The following IGSF10 variants were observed in gnomAD, a reference collection of about 807,000 sequenced individuals.
IGSF10 encodes the protein calvaria mechanical force protein 608.
A neutral mutation model predicts 128.2 loss-of-function variants in IGSF10; 126 were observed. That is an observed-to-expected ratio of 0.98 (90% confidence interval 0.85 to 1.14). The LOEUF is 1.14. IGSF10 is among the 50% of genes most tolerant of loss of function. The probability of loss-of-function intolerance (pLI) is 0.00; values close to 1 mark genes in which losing one functional copy is unlikely to be tolerated. For missense variants in IGSF10, 3,295 were observed against 3,149.8 expected, an observed-to-expected ratio of 1.05 and a Z score of -1.10; for synonymous variants, 1,185 against 1,146.2, an observed-to-expected ratio of 1.03 and a Z score of -0.68.
chr3:151,519,089 ATTGT>A, the IGSF10 span, among the ~76,000 whole-genome samples: 2 of 152,046 alleles, frequency 1.3e-5, no homozygotes, highest in Middle Eastern at 3.4e-3. Context: ...AATATGTATG[ATTGT>A]TTGTATTTGT....
At position 151,446,873 on chromosome 3, in the gene IGSF10, G is replaced by A. The variant is rs372349376; in HGVS notation, c.3108C>T (p.Tyr1036=). Residue 1036 remains tyrosine (Y), a synonymous_variant, in exon 6 of 8, where the codon TAC becomes TAT. Transcript: ENST00000282466. ...CTCTGGTTGTTGACCTGAAAATGCT[G>A]TATCTATGCCGTCGCAGAACTGGAG... ...YRTPVLRRHR[Y]SIFRSTTRGS... 4.0e-5 allele frequency: 65 copies of A among 1,614,076 alleles called. No homozygotes were observed. Among genetic ancestry groups the A allele is most frequent in the African/African-American group, 6.7e-5 (5 of 74,932 alleles).
the IGSF10 span, among the ~76,000 whole-genome samples, chr3:151,583,789 T>C: frequency 0.04 from 6,090 of 152,284 alleles, 401 homozygotes; most frequent in African/African-American, 0.14. Flanking sequence ...AATCTTTTAG[T>C]TATTTATTTC....
the IGSF10 span, among the ~76,000 whole-genome samples, chr3:151,482,225 G>T: frequency 1.3e-5 from 2 of 152,004 alleles, no homozygotes; most frequent in African/African-American, 4.8e-5. Flanking sequence ...TGCCCAAAAA[G>T]AAATTCAAAA....
At chr3:151,495,509 C>T in the IGSF10 span, among the ~76,000 whole-genome samples, 72,898 of 151,800 alleles carry the variant, frequency 0.48, 17,876 homozygotes, top group African/African-American at 0.57. Context: ...CTACATTATC[C>T]GTGACAACAT....
chr3:151,440,721 G>A (rs1489306363), intron 7 of IGSF10: 39 of 445,670 alleles, frequency 8.8e-5, no homozygotes, highest in African/African-American at 4.4e-4. Context: ...TGATGTCTGA[G>A]TCTCACCTCC....
intron 4 of IGSF10, among the ~76,000 whole-genome samples, chr3:151,456,083 G>C (rs1721777046): frequency 6.6e-6 from 1 of 152,166 alleles, no homozygotes; most frequent in Admixed American, 6.5e-5. Flanking sequence ...ATTTGGTCGA[G>C]AGAATAAATA....
chr3:151,432,722 A>G (rs756837110), downstream of IGSF10: 1 of 1,587,364 alleles, frequency 6.3e-7, no homozygotes, highest in South Asian at 1.1e-5. Flanking sequence ...TTGTGTCTGT[A>G]ATTTTGGTTC....
At chr3:151,504,039 C>T in the IGSF10 span, among the ~76,000 whole-genome samples, 2 of 151,996 alleles carry the variant, frequency 1.3e-5, no homozygotes, top group Admixed American at 1.3e-4. Context: ...GATGTAGTGG[C>T]CTCTGGCTGC....
chr3:151,435,726 A>G (rs1720088085), downstream of IGSF10: 4 of 152,320 alleles, frequency 2.6e-5, no homozygotes, highest in South Asian at 8.3e-4. Flanking sequence ...TATTCCCCAA[A>G]TTAATTCAGG....
rs201403882 is a variant in IGSF10 at position 151,460,733 on chromosome 3, GT to G, written c.-89+212del. On this transcript the variant is annotated intron_variant, in intron 1 of 7. Transcript: ENST00000282466. ...TATTGATTGTCTTTCCTCAGTGTGTGTTTTTTTTTTTTGCCTGGCACCAGTC... is the reference window on the plus strand; with the variant it reads ...TATTGATTGTCTTTCCTCAGTGTGTGTTTTTTTTTTTGCCTGGCACCAGTC... 7.3e-3 allele frequency among the ~76,000 whole-genome samples: 1,044 copies of G among 142,644 alleles called. 3 individuals carry two copies. Among genetic ancestry groups the G allele is most frequent in the South Asian group, 0.014 (64 of 4,522 alleles). The allele number at this position is 142,644 out of a possible 152,430, so 93.6% of individuals were successfully genotyped here.
rs1174549588 is a variant in IGSF10 at position 151,446,231 on chromosome 3, G to A, written c.3750C>T (p.Phe1250=). The A allele has an allele frequency of 6.2e-7, 1 of 1,613,814 alleles. No homozygotes were observed. The highest frequency in any genetic ancestry group is 8.5e-7 in the Non-Finnish European group (1 of 1,179,710). Residue 1250 remains phenylalanine (F), a synonymous_variant, in exon 6 of 8, where the codon TTC becomes TTT. Transcript: ENST00000282466. ...PALPRDKVSP[F]HFTTLSTSVM... Reference sequence around the variant, plus strand: ...CACTTGTTGAAAGTGTGGTGAAATGGAAAGGGGAGACTTTGTCTCTGGGTA... The same window carrying A: ...CACTTGTTGAAAGTGTGGTGAAATGAAAAGGGGAGACTTTGTCTCTGGGTA...
rs1304691472 is a variant in IGSF10 at position 151,437,786 on chromosome 3, A to C, written c.6775T>G (p.Phe2259Val). ...GGTGTCCCTTCAGCTCTGCAGTCAA[A>C]GTGTTTTTTGGAATGTCTCACAGCT... The part of the protein sequence containing the change: ...ATAVRHSKKH[F>V]DCRAEGTPSP... Residue 2259 changes from phenylalanine to valine, a missense_variant, in exon 8 of 8, where the codon TTT becomes GTT. By Grantham distance (50) the Phe-to-Val change is conservative. Coordinates refer to ENST00000282466, the MANE Select transcript of IGSF10 (RefSeq NM_178822.5). The C allele has an allele frequency of 1.2e-6, 2 of 1,613,846 alleles. No individual in the cohort carries two copies. Among genetic ancestry groups the C allele is most frequent in the African/African-American group, 1.3e-5 (1 of 75,032 alleles).
At chr3:151,526,992 T>C in the IGSF10 span, among the ~76,000 whole-genome samples, 38 of 151,256 alleles carry the variant, frequency 2.5e-4, no homozygotes, top group Non-Finnish European at 5.1e-4. Flanking sequence ...CAGAGTTCAG[T>C]TGCTGAATTT....
the IGSF10 span, among the ~76,000 whole-genome samples, chr3:151,514,166 C>A: frequency 6.6e-6 from 1 of 152,192 alleles, no homozygotes; most frequent in African/African-American, 2.4e-5. Flanking sequence ...ATTGCCAAGT[C>A]AATCCTAAGC....
chr3:151,468,049 G>A, the IGSF10 span, among the ~76,000 whole-genome samples: 1 of 152,222 alleles, frequency 6.6e-6, no homozygotes, highest in Non-Finnish European at 1.5e-5. Context: ...CTCGCTTAGA[G>A]ACATTGTTTG....
chr3:151,539,101 A>G, the IGSF10 span, among the ~76,000 whole-genome samples: 1 of 152,182 alleles, frequency 6.6e-6, no homozygotes, highest in Non-Finnish European at 1.5e-5. Context: ...AGGGGCCTAG[A>G]TTTTGGTAAG....
In IGSF10 at chr3:151,449,245, C is replaced by G. The variant is rs771702201; in HGVS notation, c.736G>C (p.Asp246His). Residue 246 changes from aspartate to histidine, a missense_variant, in exon 6 of 8, where the codon GAT becomes CAT. Coordinates refer to ENST00000282466, the MANE Select transcript of IGSF10 (RefSeq NM_178822.5). ...EKPDVIKCKKDRSPSSAQQCP... is the reference protein window; with the variant it reads ...EKPDVIKCKKHRSPSSAQQCP... ...TGCTGAGCACTAGAGGGACTTCTAT[C>G]TTTTTTGCATTTTATTACATCTGGA... 6.3e-7 allele frequency: 1 copy of G among 1,577,408 alleles called. No homozygotes were observed. The highest frequency in any genetic ancestry group is 1.4e-5 in the African/African-American group (1 of 73,222).
chr3:151,463,545 T>TTG (rs1722160090), upstream of IGSF10, among the ~76,000 whole-genome samples: 8 of 108,410 alleles, frequency 7.4e-5, no homozygotes, highest in South Asian at 1.0e-3. Context: ...TTTTTTTTTT[T>TTG]TTTTTTTTTT....
At chr3:151,617,260 C>CTCCTCTTCTTCTTCTTCTTCTTCT in the IGSF10 span, among the ~76,000 whole-genome samples, 1 of 55,688 alleles carries the variant, frequency 1.8e-5, no homozygotes, top group African/African-American at 7.9e-5. Context: ...TCTTCTCCTT[C>CTCCTCTTCTTCTTCTTCTTCTTCT]TCTTCTTCTT....
Sources: allele counts gnomAD v4.1 joint callset (sites outside exome capture counted in the v4.1 genomes callset), GRCh38; gene constraint gnomAD v4.1.1; transcripts MANE v1.5; gene names NCBI Gene and HGNC (gene_info 2026-07-23, HGNC 2026-07-21).